The following RAB23 variants were observed in gnomAD, a reference collection of about 807,000 sequenced individuals.
RAB23 encodes the protein ras-related protein Rab-23.
RAB23 carries 15 observed loss-of-function variants against 30.0 expected under a neutral mutation model. That is an observed-to-expected ratio of 0.50 (90% CI 0.33 to 0.77). RAB23 has a LOEUF of 0.77. Ranked by LOEUF, RAB23 falls within the 30% of genes least tolerant of loss-of-function variation. RAB23 has a pLI of 0.02. For synonymous variants in RAB23, 93 were observed against 94.0 expected, an observed-to-expected ratio of 0.99 and a Z score of 0.06; for missense variants, 243 against 275.4, an observed-to-expected ratio of 0.88 and a Z score of 0.83.
intron 3 of RAB23, among the ~76,000 whole-genome samples, chr6:57,197,209 AATGCCAAG>A (rs1765056408): frequency 6.6e-6 from 1 of 152,106 alleles, no homozygotes; most frequent in African/African-American, 2.4e-5. Flanking sequence ...TTTGAAAGCC[AATGCCAAG>A]AGTATATATA....
Position 57,205,990 on chromosome 6 carries a change from A to G in RAB23, c.241+1638T>C, listed in dbSNP as rs898128531. On this transcript the variant is annotated intron_variant, in intron 3 of 6. Transcript: ENST00000468148. The stretch of plus-strand genomic sequence containing the variant: ...TTTGGAAAATGACAGAGACTTGAGT[A>G]AAAAACACTGAGAGTGCCTGGCAGC... Among the ~76,000 whole-genome samples the G allele has an allele frequency of 2.6e-5, 4 of 152,236 alleles. No homozygotes were observed. In the South Asian group the frequency reaches 6.2e-4, roughly 24 times the overall value.
intron 1 of RAB23, among the ~76,000 whole-genome samples, chr6:57,211,681 T>A (rs1379818108): frequency 1.3e-5 from 2 of 152,208 alleles, no homozygotes; most frequent in Non-Finnish European, 2.9e-5. Flanking sequence ...CAATGAATCC[T>A]GTACAAATAA....
At chr6:57,205,011 TAG>T (rs1336905864) in intron 3 of RAB23, among the ~76,000 whole-genome samples, 2 of 151,440 alleles carry the variant, frequency 1.3e-5, no homozygotes, top group Non-Finnish European at 2.9e-5. Flanking sequence ...CATGTTTACA[TAG>T]ATACATACAT....
At chr6:57,198,994 T>C (rs1431912683) in intron 3 of RAB23, among the ~76,000 whole-genome samples, 1 of 152,196 alleles carries the variant, frequency 6.6e-6, no homozygotes, top group Non-Finnish European at 1.5e-5. Flanking sequence ...ACAGAATGGG[T>C]ACAGACCAGA....
Position 57,196,529 on chromosome 6 carries a change from C to T in RAB23, c.319G>A (p.Val107Ile), listed in dbSNP as rs1230988323. The change falls in exon 4 of 7, where the codon GTA becomes ATA. Residue 107 changes from valine to isoleucine, a missense_variant. By Grantham distance (29) the Val-to-Ile change is conservative (BLOSUM62 3). Coordinates refer to ENST00000468148, the MANE Select transcript of RAB23 (RefSeq NM_016277.5). ...GGTATATCTCCCACTTCGGCTACTA[C>T]TTTCTCTCTCCAACTGGAAACTGCT... The part of the protein sequence containing the change: ...FEAVSSWREK[V>I]VAEVGDIPTV... 6.2e-7 allele frequency: 1 copy of T among 1,614,032 alleles called. No homozygotes were observed. The highest frequency in any genetic ancestry group is 8.5e-7 in the Non-Finnish European group (1 of 1,179,970).
chr6:57,208,468 G>C (rs183989835), intron 2 of RAB23, among the ~76,000 whole-genome samples: 6 of 152,010 alleles, frequency 3.9e-5, no homozygotes, highest in African/African-American at 1.2e-4. Context: ...CCAACATGGC[G>C]AAACCCTGTC....
chr6:57,213,564 C>G (rs1229226649), intron 1 of RAB23, among the ~76,000 whole-genome samples: 1 of 152,140 alleles, frequency 6.6e-6, no homozygotes, highest in African/African-American at 2.4e-5. Context: ...CACATTTTAT[C>G]CTTTTAAAGA....
chr6:57,193,445 T>G (rs1397421086), intron 6 of RAB23, among the ~76,000 whole-genome samples: 1 of 152,154 alleles, frequency 6.6e-6, no homozygotes, highest in Non-Finnish European at 1.5e-5. Context: ...CACTTGTTCT[T>G]CAGAGAATGC....
chr6:57,220,097 C>A (rs1382593878), intron 1 of RAB23, among the ~76,000 whole-genome samples: 1 of 152,124 alleles, frequency 6.6e-6, no homozygotes, highest in Admixed American at 6.5e-5. Flanking sequence ...TAAAAATGGG[C>A]AAGAGACTTT....
At chr6:57,205,252 GTA>G (rs908876295) in intron 3 of RAB23, among the ~76,000 whole-genome samples, 1 of 151,210 alleles carries the variant, frequency 6.6e-6, no homozygotes. Flanking sequence ...ATGTGTGTGT[GTA>G]TATATATATA....
intron 3 of RAB23, among the ~76,000 whole-genome samples, chr6:57,197,909 AT>A (rs1765088371): frequency 6.6e-6 from 1 of 152,016 alleles, no homozygotes. Flanking sequence ...TGCACAGCTA[AT>A]TCTTTGTTTT....
intron 3 of RAB23, 71 bp downstream of exon 3, chr6:57,207,553 CAAAG>C (rs1765493061): frequency 3.6e-6 from 4 of 1,101,358 alleles, no homozygotes; most frequent in African/African-American, 3.1e-5. Context: ...ATACGGGAAA[CAAAG>C]AAAGCAAAAT....
chr6:57,190,749 C>A, intron 6 of RAB23, 149 bp from the exon 7 acceptor site: 1 of 944,778 alleles, frequency 1.1e-6, no homozygotes, highest in Non-Finnish European at 1.7e-6. Flanking sequence ...GCATCTTAAC[C>A]ATTTTTAGGC....
chr6:57,188,639 T>TTTGTTTG lies in RAB23; in HGVS notation c.*1821_*1822insCAAACAA, dbSNP rs1220329708. The TTTGTTTG allele has an allele frequency of 2.6e-5, 4 of 152,182 alleles. No individual in the cohort carries two copies. The highest frequency in any genetic ancestry group is 9.6e-5 in the African/African-American group (4 of 41,452). The allele number at this position is 152,182 out of a possible 1,614,324, so 9.4% of individuals were successfully genotyped here. ...GATGACTCATTAGCAGTATCCACTGTTTGTTAGGAACTGAATTTTGCCCCC... is the reference window on the plus strand; with the variant it reads ...GATGACTCATTAGCAGTATCCACTGTTTGTTTGTTGTTAGGAACTGAATTTTGCCCCC... On this transcript the variant is annotated 3_prime_UTR_variant, in exon 7 of 7. Coordinates refer to ENST00000468148, the MANE Select transcript of RAB23 (RefSeq NM_016277.5).
chr6:57,197,613 T>C (rs116629035), intron 3 of RAB23, among the ~76,000 whole-genome samples: 1,769 of 152,304 alleles, frequency 0.012, 29 homozygotes, highest in African/African-American at 0.041. Flanking sequence ...CTAGTCTGTA[T>C]ATCTATATAT....
intron 3 of RAB23, among the ~76,000 whole-genome samples, chr6:57,201,037 C>T (rs1257624601): frequency 2.6e-5 from 4 of 151,818 alleles, no homozygotes; most frequent in Non-Finnish European, 4.4e-5. Context: ...CCCCTAGCCC[C>T]TTCTCCTCTG....
chr6:57,212,708 C>T (rs1765699142), intron 1 of RAB23, among the ~76,000 whole-genome samples: 2 of 147,722 alleles, frequency 1.4e-5, no homozygotes, highest in Admixed American at 1.4e-4. Context: ...ATGTGAGTCC[C>T]TGTCTCTACC....
intron 3 of RAB23, 34 bp downstream of exon 3, chr6:57,207,581 AAAATAATATGCCC>A (rs1298939932): frequency 7.2e-7 from 1 of 1,388,736 alleles, no homozygotes; most frequent in East Asian, 2.3e-5. Flanking sequence ...TTATTTAGCC[AAAATAATATGCCC>A]AAACAAAATA....
At chr6:57,212,901 C>CA (rs1278688561) in intron 1 of RAB23, among the ~76,000 whole-genome samples, 1 of 151,836 alleles carries the variant, frequency 6.6e-6, no homozygotes, top group Non-Finnish European at 1.5e-5. Flanking sequence ...AACAAACAAA[C>CA]AAAAAACCTG....
Sources: gnomAD v4.1 joint callset for allele counts (sites outside exome capture counted in the v4.1 genomes callset) on GRCh38, gnomAD v4.1.1 for gene constraint, MANE v1.5 for transcripts, NCBI Gene and HGNC (gene_info 2026-07-23, HGNC 2026-07-21) for gene names.